ANAPC5: variants seen among roughly 807,000 people sequenced by gnomAD.
ANAPC5 encodes anaphase-promoting complex subunit 5.
In ANAPC5, 60 loss-of-function variants were observed where a neutral mutation model predicts 91.3. The ratio of observed to expected loss-of-function variants is 0.66; its 90% CI spans 0.53 to 0.81. The LOEUF (loss-of-function observed/expected upper bound fraction) is 0.81. Ranked by LOEUF, ANAPC5 falls within the 40% of genes least tolerant of loss-of-function variation. The probability of loss-of-function intolerance (pLI) is 0.00; values close to 1 mark genes in which losing one functional copy is unlikely to be tolerated. For synonymous variants in ANAPC5, 340 were observed against 364.1 expected, an observed-to-expected ratio of 0.93 and a Z score of 0.75; for missense variants, 690 against 931.5, an observed-to-expected ratio of 0.74 and a Z score of 3.37.
At chr12:121,333,487 C>G (rs545908153) in intron 7 of ANAPC5, 1 of 152,196 alleles carries the variant, frequency 6.6e-6, no homozygotes, top group South Asian at 2.1e-4. Flanking sequence ...AAGAAAGGCT[C>G]TGATCGAGAG....
chr12:121,318,304 T>G lies in ANAPC5; in HGVS notation c.1866A>C (p.Glu622Asp). 1 of 1,567,942 alleles carries G rather than the reference T, an allele frequency of 6.4e-7. No individual in the cohort carries two copies. Among genetic ancestry groups the G allele is most frequent in the Non-Finnish European group, 8.6e-7 (1 of 1,160,294 alleles). Residue 622 changes from glutamate (E) to aspartate (D), a missense_variant, in exon 15 of 17, where the codon GAA (glutamate) becomes GAC (aspartate). Glu to Asp is a conservative substitution (Grantham distance 45). Transcript: ENST00000261819. Reference protein sequence around the residue: ...KEYRLQYLASETVLNLAFAQL... With the variant: ...KEYRLQYLASDTVLNLAFAQL... Reference sequence around the variant, plus strand: ...GCGCAAAAGCCAAGTTCAGCACTGTTTCAGAGGCCAAGTACTGTAACCGGT... The same window carrying G: ...GCGCAAAAGCCAAGTTCAGCACTGTGTCAGAGGCCAAGTACTGTAACCGGT...
chr12:121,339,868 GTTTTTTT>G (rs71079054), intron 5 of ANAPC5, among the ~76,000 whole-genome samples: 97 of 104,556 alleles, frequency 9.3e-4, no homozygotes, highest in African/African-American at 3.5e-3. Flanking sequence ...TTTTCTTCCA[GTTTTTTT>G]TTTTTTTTTT....
At chr12:121,341,859 C>G (rs1255000391) in intron 5 of ANAPC5, 144 bp downstream of exon 5, 1 of 510,548 alleles carries the variant, frequency 2.0e-6, no homozygotes, top group East Asian at 3.3e-5. Flanking sequence ...GTTAGTGAGG[C>G]AGAGGGGACC....
In ANAPC5 at chr12:121,318,431, G is replaced by A. The variant is rs116560122; in HGVS notation, c.1746-7C>T. The A allele has an allele frequency of 5.4e-4, 875 of 1,610,588 alleles. 7 individuals carry two copies. In the African/African-American group the frequency reaches 6.1e-3, roughly 11 times the overall value. ...TGCCACGGACAGTAGGACACTGACC[G>A]TAAAGAGGAAAACACAGGATGAGAA... On this transcript the variant is annotated splice_region_variant and splice_polypyrimidine_tract_variant and intron_variant, in intron 14 of 16. Transcript: ENST00000261819.
At chr12:121,351,005 C>T in intron 1 of ANAPC5, 1 of 410,868 alleles carries the variant, frequency 2.4e-6, no homozygotes, top group Non-Finnish European at 4.8e-6. Context: ...TCCCATTTTA[C>T]AGAGAGAAAA....
At chr12:121,318,687 T>C (rs1166505713) in intron 13 of ANAPC5, 79 bp from the exon 14 acceptor site, 1 of 1,260,820 alleles carries the variant, frequency 7.9e-7, no homozygotes, top group Non-Finnish European at 1.1e-6. Context: ...TCAATTGCGC[T>C]ATAAACCTCC....
intron 15 of ANAPC5, among the ~76,000 whole-genome samples, chr12:121,317,583 A>C (rs1902421201): frequency 6.6e-6 from 1 of 152,100 alleles, no homozygotes. Flanking sequence ...AAAAAAAAAG[A>C]ATCACTGAGG....
Position 121,347,799 on chromosome 12 carries a change from T to C in ANAPC5, c.287+3A>G, listed in dbSNP as rs1333800742. On this transcript the variant is annotated splice_donor_region_variant and intron_variant, in intron 2 of 16. Coordinates refer to ENST00000261819, the MANE Select transcript of ANAPC5 (RefSeq NM_016237.5). Reference sequence around the variant, plus strand: ...CATATATAAAGAAGAAAATGAAGTTTACCTGATCTGCACTGAATTTGCCAG... The same window carrying C: ...CATATATAAAGAAGAAAATGAAGTTCACCTGATCTGCACTGAATTTGCCAG... 31 of 1,605,730 alleles carry C rather than the reference T, an allele frequency of 1.9e-5. No homozygotes were observed. Among genetic ancestry groups the C allele is most frequent in the Non-Finnish European group, 2.5e-5 (29 of 1,172,670 alleles).
intron 11 of ANAPC5, among the ~76,000 whole-genome samples, chr12:121,321,686 C>T (rs574480744): frequency 6.6e-5 from 10 of 151,606 alleles, no homozygotes; most frequent in South Asian, 2.1e-4. Flanking sequence ...TACAGGTGCG[C>T]GCCACCATGC....
chr12:121,352,718 T>TTGTTGTTGTTGTTGGTGGTGG (rs71079056), upstream of ANAPC5, among the ~76,000 whole-genome samples: 4 of 102,346 alleles, frequency 3.9e-5, no homozygotes, highest in African/African-American at 8.5e-5. Context: ...GTTGTTGTTG[T>TTGTTGTTGTTGTTGGTGGTGG]TGGTGGTGGT....
chr12:121,318,157 T>C (rs1902445981), intron 15 of ANAPC5, 120 bp downstream of exon 15: 1 of 1,241,054 alleles, frequency 8.1e-7, no homozygotes, highest in Non-Finnish European at 1.0e-6. Context: ...AAGACTACCT[T>C]TCCAGACGTC....
chr12:121,349,278 G>C (rs1220828452), intron 1 of ANAPC5, among the ~76,000 whole-genome samples: 3 of 152,122 alleles, frequency 2.0e-5, no homozygotes, highest in African/African-American at 4.8e-5. Context: ...ATACAGTAGG[G>C]GGCCAGGTGT....
chr12:121,330,070 G>T (rs1593589742), intron 9 of ANAPC5, among the ~76,000 whole-genome samples: 1 of 152,322 alleles, frequency 6.6e-6, no homozygotes, highest in East Asian at 1.9e-4. Flanking sequence ...CAAACTTGTT[G>T]TGTAAAGGGC....
intron 6 of ANAPC5, among the ~76,000 whole-genome samples, chr12:121,336,171 T>C (rs1903229547): frequency 6.6e-6 from 1 of 151,378 alleles, no homozygotes; most frequent in South Asian, 2.1e-4. Context: ...TTATTTTCAT[T>C]TTTTTTTTAA....
intron 4 of ANAPC5, among the ~76,000 whole-genome samples, chr12:121,345,394 T>G (rs574703443): frequency 3.9e-5 from 6 of 152,214 alleles, no homozygotes; most frequent in Admixed American, 2.0e-4. Context: ...AAGGATCAAT[T>G]GACAAAAGTA....
chr12:121,341,586 G>C (rs1555274086), intron 5 of ANAPC5, among the ~76,000 whole-genome samples: 2 of 152,206 alleles, frequency 1.3e-5, no homozygotes, highest in African/African-American at 4.8e-5. Flanking sequence ...TGGCTGAATA[G>C]AGAGTGGTTA....
chr12:121,318,782 A>G (rs553801748), intron 13 of ANAPC5, among the ~76,000 whole-genome samples, 174 bp from the exon 14 acceptor site: 1 of 152,292 alleles, frequency 6.6e-6, no homozygotes, highest in South Asian at 2.1e-4. Context: ...GCACTTTGGG[A>G]GGCCGAGGCG....
In ANAPC5 at chr12:121,330,650, T is replaced by C; in HGVS notation, c.1055A>G (p.Gln352Arg). ...CAGAACATAGCTATCGGATCTCTTCTGCCCCAGCACATAAAGCCAGCTCTG... is the reference window on the plus strand; with the variant it reads ...CAGAACATAGCTATCGGATCTCTTCCGCCCCAGCACATAAAGCCAGCTCTG... ...HCLSWLYVLG[Q>R]KRSDSYVLLE... Residue 352 changes from glutamine (Q) to arginine (R), a missense_variant, in exon 9 of 17, where the codon CAG becomes CGG. Gln to Arg is a conservative substitution (Grantham distance 43). Transcript: ENST00000261819. The C allele has an allele frequency of 6.2e-7, 1 of 1,614,160 alleles. No homozygotes were observed. The highest frequency in any genetic ancestry group is 1.1e-5 in the South Asian group (1 of 91,090).
chr12:121,330,111 C>T (rs1902982928), intron 9 of ANAPC5, among the ~76,000 whole-genome samples: 1 of 152,080 alleles, frequency 6.6e-6, no homozygotes, highest in African/African-American at 2.4e-5. Flanking sequence ...TTTTTCAGGC[C>T]ACACTTGGTT....
Sources: gnomAD v4.1 joint callset for allele counts (sites outside exome capture counted in the v4.1 genomes callset) on GRCh38, gnomAD v4.1.1 for gene constraint, MANE v1.5 for transcripts, NCBI Gene and HGNC (gene_info 2026-07-23, HGNC 2026-07-21) for gene names.